Variants in MINAR2 observed in about 807,000 individuals in gnomAD.
MINAR2 encodes major intrinsically disordered NOTCH2-binding receptor 1-like.
In MINAR2, 21 loss-of-function variants were observed where a neutral mutation model predicts 16.1. The observed-to-expected ratio is 1.31, with a 90% CI of 0.93 to 1.88. MINAR2 has a LOEUF of 1.88. Ranked by LOEUF, MINAR2 falls within the 40% of genes most tolerant of loss-of-function variation. MINAR2 has a pLI of 0.00. For synonymous variants in MINAR2, 86 were observed against 83.0 expected (o/e 1.04, Z -0.20); for missense variants, 259 against 229.8 (o/e 1.13, Z -0.82).
chr5:129,749,310 C>T (rs2149544393), intron 1 of MINAR2, among the ~76,000 whole-genome samples: 1 of 152,210 alleles, frequency 6.6e-6, no homozygotes, highest in Non-Finnish European at 1.5e-5. Context: ...CTCATGAGTC[C>T]TGGTGTAAAG....
chr5:129,764,746 T>C (rs750360383), intron 2 of MINAR2, 138 bp from the exon 3 acceptor site: 4 of 431,950 alleles, frequency 9.3e-6, no homozygotes, highest in Non-Finnish European at 1.6e-5. Flanking sequence ...ATGTGAGCCA[T>C]GACATTGAAG....
At chr5:129,748,639 A>C (rs192882546) in intron 1 of MINAR2, among the ~76,000 whole-genome samples, 20 of 152,212 alleles carry the variant, frequency 1.3e-4, no homozygotes, top group African/African-American at 4.8e-4. Context: ...TTCCCTTCAA[A>C]AATTTTCAAA....
At chr5:129,757,246 A>G (rs1410776623) in intron 1 of MINAR2, among the ~76,000 whole-genome samples, 4 of 152,026 alleles carry the variant, frequency 2.6e-5, no homozygotes, top group Non-Finnish European at 5.9e-5. Flanking sequence ...ATGGACATAA[A>G]ACATGTGGCC....
At chr5:129,759,982 A>G (rs913422431) in intron 1 of MINAR2, among the ~76,000 whole-genome samples, 1 of 152,162 alleles carries the variant, frequency 6.6e-6, no homozygotes, top group South Asian at 2.1e-4. Context: ...GGATTAGCAC[A>G]ATAATATTAA....
rs954044201 is a variant in MINAR2 at position 129,748,368 on chromosome 5, G to C, written c.165+13G>C. 4.6e-6 allele frequency: 7 copies of C among 1,530,480 alleles called. No individual in the cohort carries two copies. Among genetic ancestry groups the C allele is most frequent in the Non-Finnish European group, 6.1e-6 (7 of 1,144,958 alleles). The allele number at this position is 1,530,480 out of a possible 1,614,324, so 94.8% of individuals were successfully genotyped here. ...TGTCTACTCACAGGTAAGATCTAGGGGCACAAAAATACGGGGATGGAGGCT... is the reference window on the plus strand; with the variant it reads ...TGTCTACTCACAGGTAAGATCTAGGCGCACAAAAATACGGGGATGGAGGCT... On this transcript the variant is annotated intron_variant, in intron 1 of 2. Coordinates refer to ENST00000564719, the MANE Select transcript of MINAR2 (RefSeq NM_001257308.2).
intron 1 of MINAR2, among the ~76,000 whole-genome samples, chr5:129,753,480 CA>C (rs758914420): frequency 0.014 from 1,457 of 100,758 alleles, 22 homozygotes; most frequent in African/African-American, 0.039. Flanking sequence ...AAGACTGTCT[CA>C]AAAAAAAAAA....
At chr5:129,755,216 A>G (rs1758040384) in intron 1 of MINAR2, among the ~76,000 whole-genome samples, 1 of 152,046 alleles carries the variant, frequency 6.6e-6, no homozygotes, top group African/African-American at 2.4e-5. Flanking sequence ...TGTTACATAT[A>G]ATTTGTACAT....
intron 1 of MINAR2, among the ~76,000 whole-genome samples, chr5:129,751,580 A>C (rs1401293095): frequency 6.6e-6 from 1 of 152,202 alleles, no homozygotes; most frequent in Non-Finnish European, 1.5e-5. Flanking sequence ...CCATCTATGC[A>C]GATACTCAGG....
chr5:129,760,306 G>C, intron 1 of MINAR2, 72 bp from the exon 2 acceptor site: 11 of 1,100,016 alleles, frequency 1.0e-5, no homozygotes, highest in African/African-American at 4.7e-5. Context: ...TTATCAGGTA[G>C]TTATCTCACA....
rs1217903858 is a variant in MINAR2, at chr5:129,765,691, C to T, written c.*628C>T. 1 of 152,124 alleles carries T rather than the reference C, an allele frequency of 6.6e-6. No individual in the cohort carries two copies. Among genetic ancestry groups the T allele is most frequent in the African/African-American group, 2.4e-5 (1 of 41,434 alleles). 9.4% of individuals were successfully genotyped at this position (152,124 alleles called of 1,614,324 possible). ...TCTATGATGCCCCAATTTCATGTTGCAATTTTAATAGAATTAAACTTGGAT... is the reference window on the plus strand; with the variant it reads ...TCTATGATGCCCCAATTTCATGTTGTAATTTTAATAGAATTAAACTTGGAT... On this transcript the variant is annotated 3_prime_UTR_variant, in exon 3 of 3. Transcript: ENST00000564719.
chr5:129,761,712 T>C (rs2149546784), intron 2 of MINAR2, among the ~76,000 whole-genome samples: 1 of 152,244 alleles, frequency 6.6e-6, no homozygotes, highest in East Asian at 1.9e-4. Context: ...AAGTCACCCC[T>C]ACTATTAGAA....
chr5:129,760,329 C>A, intron 1 of MINAR2, 49 bp from the exon 2 acceptor site: 2 of 1,379,588 alleles, frequency 1.4e-6, no homozygotes, highest in Non-Finnish European at 2.0e-6. Flanking sequence ...GCATTCCCTA[C>A]TATCAGAAGG....
At chr5:129,753,802 AAAGG>A (rs34971700) in intron 1 of MINAR2, among the ~76,000 whole-genome samples, 1 of 150,884 alleles carries the variant, frequency 6.6e-6, no homozygotes, top group Non-Finnish European at 1.5e-5. Flanking sequence ...AGAGACAGAG[AAAGG>A]AAGGAAGGAA....
At chr5:129,758,518 C>A (rs1758083989) in intron 1 of MINAR2, among the ~76,000 whole-genome samples, 1 of 151,926 alleles carries the variant, frequency 6.6e-6, no homozygotes, top group African/African-American at 2.4e-5. Flanking sequence ...TAAAATGTAT[C>A]TCTGAGTATT....
rs540784730 is a variant in MINAR2 at position 129,765,248 on chromosome 5, C to T, written c.*185C>T. ...GTCAGGCGTGGTATGCTGGCTTCTC[C>T]ACTTTGTTCTATAAAAGCTTTCTAA... On this transcript the variant is annotated 3_prime_UTR_variant, in exon 3 of 3. Coordinates refer to ENST00000564719, the MANE Select transcript of MINAR2 (RefSeq NM_001257308.2). The T allele has an allele frequency of 1.3e-3, 528 of 404,010 alleles. 5 individuals carry two copies. Among genetic ancestry groups the T allele is most frequent in the African/African-American group, 0.01 (489 of 48,820 alleles). The allele number at this position is 404,010 out of a possible 1,614,324, so 25.0% of individuals were successfully genotyped here. A position where few individuals can be genotyped will look rare whatever the true frequency, so the allele number is the denominator to read the frequency against.
At chr5:129,758,577 G>C (rs1016183742) in intron 1 of MINAR2, among the ~76,000 whole-genome samples, 1 of 151,838 alleles carries the variant, frequency 6.6e-6, no homozygotes, top group Non-Finnish European at 1.5e-5. Context: ...CATTGTAATA[G>C]AGTGTGTACT....
At chr5:129,764,513 A>T (rs1383572276) in intron 2 of MINAR2, among the ~76,000 whole-genome samples, 1 of 152,242 alleles carries the variant, frequency 6.6e-6, no homozygotes, top group East Asian at 1.9e-4. Flanking sequence ...ATGCTGAATT[A>T]CATGCACTAT....
At chr5:129,752,511 A>G (rs1757997854) in intron 1 of MINAR2, among the ~76,000 whole-genome samples, 1 of 152,182 alleles carries the variant, frequency 6.6e-6, no homozygotes, top group Non-Finnish European at 1.5e-5. Context: ...TCATAATAGG[A>G]AGCTGAACAA....
At chr5:129,753,832 GAGAA>G (rs919542436) in intron 1 of MINAR2, among the ~76,000 whole-genome samples, 177 of 152,024 alleles carry the variant, frequency 1.2e-3, no homozygotes, top group African/African-American at 4.0e-3. Flanking sequence ...AGAAGAAAAA[GAGAA>G]AGAAAGAAGA....
Sources: allele counts gnomAD v4.1 joint callset (sites outside exome capture counted in the v4.1 genomes callset), GRCh38; gene constraint gnomAD v4.1.1; transcripts MANE v1.5; gene names NCBI Gene and HGNC (gene_info 2026-07-23, HGNC 2026-07-21).